The following DLGAP4 variants were observed in gnomAD, a reference collection of about 807,000 sequenced individuals.
DLGAP4 encodes DLG associated protein 4.
In DLGAP4, 18 loss-of-function variants were observed where a neutral mutation model predicts 86.9. That is an observed-to-expected ratio of 0.21 (90% CI 0.14 to 0.31). The LOEUF (loss-of-function observed/expected upper bound fraction) is 0.31, where lower values mean the gene tolerates loss of function less well. DLGAP4 is among the 10% of genes least tolerant of loss of function. The pLI is 1.00. For synonymous variants in DLGAP4, 548 were observed against 574.3 expected (o/e 0.95, Z 0.65); for missense variants, 1,085 against 1,362.6 (o/e 0.80, Z 3.21).
At chr20:36,347,014 G>C (rs188905644) in intron 1 of DLGAP4, among the ~76,000 whole-genome samples, 1 of 152,222 alleles carries the variant, frequency 6.6e-6, no homozygotes, top group Non-Finnish European at 1.5e-5. Context: ...CCAGTGTGTG[G>C]TGTGGGCATT....
At chr20:36,416,601 T>C (rs2032661489) in intron 2 of DLGAP4, among the ~76,000 whole-genome samples, 2 of 152,176 alleles carry the variant, frequency 1.3e-5, no homozygotes, top group African/African-American at 4.8e-5. Context: ...AATCTGTGAC[T>C]CCTCAGGTGG....
chr20:36,415,625 G>C (rs2032631626), intron 2 of DLGAP4, among the ~76,000 whole-genome samples: 1 of 152,164 alleles, frequency 6.6e-6, no homozygotes, highest in Non-Finnish European at 1.5e-5. Context: ...GAGGACACTG[G>C]GGCTCAGGGA....
chr20:36,328,157 C>T (rs2065234495), intron 1 of DLGAP4, among the ~76,000 whole-genome samples: 1 of 151,822 alleles, frequency 6.6e-6, no homozygotes, highest in Non-Finnish European at 1.5e-5. Flanking sequence ...TGAGATGGTA[C>T]CACTGCATTC....
intron 1 of DLGAP4, among the ~76,000 whole-genome samples, chr20:36,352,409 C>T (rs2030186658): frequency 7.4e-6 from 1 of 136,004 alleles, no homozygotes; most frequent in South Asian, 2.5e-4. Context: ...GCCAAGGGGC[C>T]TCTAATTTGG....
intron 10 of DLGAP4, among the ~76,000 whole-genome samples, chr20:36,512,288 G>A (rs1432012126): frequency 6.6e-6 from 1 of 151,866 alleles, no homozygotes; most frequent in Non-Finnish European, 1.5e-5. Flanking sequence ...CTGACCTCGT[G>A]ATCCGCCCAC....
intron 11 of DLGAP4, among the ~76,000 whole-genome samples, chr20:36,524,575 TAA>T (rs1032710667): frequency 7.2e-5 from 11 of 152,188 alleles, no homozygotes; most frequent in African/African-American, 2.7e-4. Context: ...ACATGGATGG[TAA>T]AGTCAATTAG....
intron 4 of DLGAP4, among the ~76,000 whole-genome samples, chr20:36,438,134 G>T (rs2033339579): frequency 6.6e-6 from 1 of 152,120 alleles, no homozygotes; most frequent in African/African-American, 2.4e-5. Flanking sequence ...TGCACTTTGG[G>T]AGGCCAAGGC....
intron 2 of DLGAP4, among the ~76,000 whole-genome samples, chr20:36,394,477 T>C (rs377319859): frequency 1.3e-4 from 20 of 152,180 alleles, no homozygotes; most frequent in African/African-American, 4.3e-4. Flanking sequence ...ATGGTCCCCA[T>C]CTCCCCCGGG....
intron 1 of DLGAP4, among the ~76,000 whole-genome samples, chr20:36,315,213 T>C (rs915153845): frequency 1.3e-5 from 2 of 151,758 alleles, no homozygotes; most frequent in South Asian, 2.1e-4. Flanking sequence ...TGTGTTTGTG[T>C]GCGTTGTGTT....
chr20:36,424,028 C>A (rs2032905356), intron 2 of DLGAP4, among the ~76,000 whole-genome samples: 1 of 152,128 alleles, frequency 6.6e-6, no homozygotes, highest in Non-Finnish European at 1.5e-5. Context: ...GGGGGAATGA[C>A]TGAATCACCA....
intron 6 of DLGAP4, among the ~76,000 whole-genome samples, chr20:36,445,131 G>C (rs2033555800): frequency 6.6e-6 from 1 of 151,868 alleles, no homozygotes; most frequent in Non-Finnish European, 1.5e-5. Context: ...GTAGAGCTGG[G>C]GTCCCACTAT....
At chr20:36,446,152 C>G (rs1189172194) in intron 6 of DLGAP4, among the ~76,000 whole-genome samples, 1 of 152,226 alleles carries the variant, frequency 6.6e-6, no homozygotes, top group African/African-American at 2.4e-5. Flanking sequence ...TTCCCAACAT[C>G]CATTCTGTAT....
chr20:36,460,591 G>A (rs777576885), intron 7 of DLGAP4, among the ~76,000 whole-genome samples: 2 of 152,238 alleles, frequency 1.3e-5, no homozygotes, highest in African/African-American at 2.4e-5. Context: ...CAGCAAGGCA[G>A]GTCATGAACA....
At position 36,393,712 on chromosome 20, in the gene DLGAP4, C is replaced by T. The variant is rs2031857117; in HGVS notation, c.-73+26437C>T. Among the ~76,000 whole-genome samples the T allele has an allele frequency of 6.6e-6, 1 of 152,168 alleles. No individual in the cohort carries two copies. The highest frequency in any genetic ancestry group is 1.5e-5 in the Non-Finnish European group (1 of 68,020). ...GAGGGAAGGAAAGGGGGGCTCTGTG[C>T]CTGCACCCTTTGTGGCACTTTAGCC... On this transcript the variant is annotated intron_variant, in intron 2 of 12. Transcript: ENST00000339266. This position sits in a 1 kb window ranked among gnomAD's most constrained non-coding sequence, Gnocchi z 4.4.
intron 2 of DLGAP4, among the ~76,000 whole-genome samples, chr20:36,377,539 TTCC>T (rs1399179425): frequency 6.6e-6 from 1 of 152,202 alleles, no homozygotes; most frequent in Non-Finnish European, 1.5e-5. Flanking sequence ...TTGCGCTAGA[TTCC>T]TGGGCGTGTC....
At chr20:36,358,725 G>A (rs768488204) in intron 1 of DLGAP4, among the ~76,000 whole-genome samples, 129 of 152,070 alleles carry the variant, frequency 8.5e-4, no homozygotes, top group Non-Finnish European at 1.4e-3. Context: ...GGAGAATGGC[G>A]TGAACCCAGG....
At chr20:36,469,877 G>A (rs1315105158) in intron 7 of DLGAP4, among the ~76,000 whole-genome samples, 3 of 152,140 alleles carry the variant, frequency 2.0e-5, no homozygotes, top group Non-Finnish European at 4.4e-5. Flanking sequence ...TTGCCCAAGG[G>A]CTGCTTTACC....
At chr20:36,423,857 G>A (rs912304763) in intron 2 of DLGAP4, among the ~76,000 whole-genome samples, 10 of 151,998 alleles carry the variant, frequency 6.6e-5, no homozygotes, top group Non-Finnish European at 1.5e-5. Flanking sequence ...CTACTCGGGA[G>A]GCTGAGGCGG....
intron 10 of DLGAP4, among the ~76,000 whole-genome samples, chr20:36,501,485 A>G (rs1394658542): frequency 6.6e-6 from 1 of 152,224 alleles, no homozygotes; most frequent in Non-Finnish European, 1.5e-5. Flanking sequence ...TATCATGCCA[A>G]TTTCCAAAAA....
Sources: allele counts gnomAD v4.1 joint callset (sites outside exome capture counted in the v4.1 genomes callset), GRCh38; gene constraint gnomAD v4.1.1; non-coding constraint Gnocchi (gnomAD v3.1); transcripts MANE v1.5; gene names NCBI Gene and HGNC (gene_info 2026-07-23, HGNC 2026-07-21).